Variants in PTHLH observed in about 807,000 individuals in gnomAD.
The protein encoded by PTHLH is parathyroid hormone like hormone, also known as parathyroid hormone-related protein.
Under a neutral mutation model 18.6 loss-of-function variants are expected in PTHLH, and 5 were observed. That is an observed-to-expected ratio of 0.27 (90% CI 0.14 to 0.56). The LOEUF is 0.56. Ranked by LOEUF, PTHLH falls within the 20% of genes least tolerant of loss-of-function variation. The pLI is 0.92. For missense variants in PTHLH, 207 were observed against 223.9 expected (o/e 0.92, Z 0.48); for synonymous variants, 90 against 94.0 (o/e 0.96, Z 0.25).
At chr12:27,968,157 A>G (rs2062833788) in intron 4 of PTHLH, among the ~76,000 whole-genome samples, 1 of 152,236 alleles carries the variant, frequency 6.6e-6, no homozygotes, top group African/African-American at 2.4e-5. Context: ...GAAGAATACA[A>G]TGCAGCCTTA....
chr12:27,967,983 G>T (rs1432022673), intron 4 of PTHLH, among the ~76,000 whole-genome samples: 1 of 151,906 alleles, frequency 6.6e-6, no homozygotes, highest in Non-Finnish European at 1.5e-5. Context: ...TTCCAAGGTA[G>T]TATTTCTTAG....
At chr12:27,963,175 G>A in intron 5 of PTHLH, 173 bp downstream of exon 5, 1 of 1,497,498 alleles carries the variant, frequency 6.7e-7, no homozygotes, top group South Asian at 1.3e-5. Flanking sequence ...TGGTAGGGGG[G>A]TACTGCTTTA....
chr12:27,967,006 TAG>T (rs1268951863), intron 4 of PTHLH, among the ~76,000 whole-genome samples: 1 of 152,208 alleles, frequency 6.6e-6, no homozygotes, highest in Non-Finnish European at 1.5e-5. Context: ...GTTAGGGTGT[TAG>T]AGTTAAGATG....
intron 5 of PTHLH, chr12:27,962,468 G>A: frequency 1.2e-6 from 1 of 850,722 alleles, no homozygotes; most frequent in Non-Finnish European, 1.4e-6. Flanking sequence ...AGAGTAACTT[G>A]CCCTAGGTTG....
intron 2 of PTHLH, among the ~76,000 whole-genome samples, chr12:27,971,571 C>G (rs1466143756): frequency 6.6e-6 from 1 of 151,920 alleles, no homozygotes; most frequent in African/African-American, 2.4e-5. Flanking sequence ...ATATTTTACC[C>G]AGGGTGGGAG....
At chr12:27,969,332 G>A in intron 4 of PTHLH, 62 bp downstream of exon 4, 2 of 1,472,776 alleles carry the variant, frequency 1.4e-6, no homozygotes, top group Non-Finnish European at 1.8e-6. Context: ...CAGCATCCCA[G>A]CTTGGCAGCC....
rs563536914 is a variant in PTHLH, at chr12:27,970,137, T to C, written c.-135A>G. The C allele has an allele frequency of 7.7e-6, 4 of 518,418 alleles. No homozygotes were observed. Among genetic ancestry groups the C allele is most frequent in the South Asian group, 5.6e-5 (4 of 71,598 alleles). The allele number at this position is 518,418 out of a possible 1,614,324, so 32.1% of individuals were successfully genotyped here. On this transcript the variant is annotated 5_prime_UTR_variant, in exon 3 of 6. Transcript: ENST00000545234. ...GCCAGGTGGCGGCGAGGGCGGGTCGTTAGTGGCAGCCGGAGCGGCAGGGAG... is the reference window on the plus strand; with the variant it reads ...GCCAGGTGGCGGCGAGGGCGGGTCGCTAGTGGCAGCCGGAGCGGCAGGGAG...
At chr12:27,969,807 A>G (rs762078029) in intron 3 of PTHLH, 43 of 583,598 alleles carry the variant, frequency 7.4e-5, no homozygotes, top group African/African-American at 7.3e-4. Flanking sequence ...AAATGGTTTT[A>G]TATATGCATC....
At chr12:27,961,601 A>C (rs116250116) in intron 5 of PTHLH, 3 of 219,106 alleles carry the variant, frequency 1.4e-5, no homozygotes, top group African/African-American at 4.5e-5. Flanking sequence ...TTAGGATCCT[A>C]TCTTAAAACA....
At chr12:27,962,067 C>A in intron 5 of PTHLH, 1 of 602,906 alleles carries the variant, frequency 1.7e-6, no homozygotes. Flanking sequence ...GCAAACATAG[C>A]ACTGTCTACG....
intron 5 of PTHLH, chr12:27,962,050 A>G (rs1033876818): frequency 1.6e-6 from 1 of 625,666 alleles, no homozygotes; most frequent in African/African-American, 1.9e-5. Flanking sequence ...ATCGATAAAG[A>G]AGCAGGGCAA....
In PTHLH at chr12:27,960,459, T is replaced by C. The variant is rs537868939; in HGVS notation, c.525-1891A>G. The stretch of plus-strand genomic sequence containing the variant: ...GCTGTATTATTGGCCGGTGTGGTGG[T>C]TCATGCCTGTAATCCCAGCACTTTG... On this transcript the variant is annotated intron_variant, in intron 5 of 5. Coordinates refer to ENST00000545234, the MANE Select transcript of PTHLH (RefSeq NM_198965.2). 3.3e-5 allele frequency among the ~76,000 whole-genome samples: 5 copies of C among 152,222 alleles called. No individual in the cohort carries two copies. In the East Asian group the frequency reaches 9.7e-4, roughly 29 times the overall value.
chr12:27,971,899 C>T (rs1340302161), intron 2 of PTHLH, 28 bp downstream of exon 2: 1 of 151,912 alleles, frequency 6.6e-6, no homozygotes, highest in Non-Finnish European at 1.5e-5. Context: ...TATGAAAGGA[C>T]AAAGTATCAG....
intron 2 of PTHLH, 50 bp from the exon 3 acceptor site, chr12:27,970,317 C>T (rs2062858092): frequency 5.2e-6 from 1 of 193,472 alleles, no homozygotes; most frequent in Non-Finnish European, 1.1e-5. Flanking sequence ...TAGGAACGCG[C>T]GCGGGGCGAG....
chr12:27,964,964 T>A (rs1189498548), intron 4 of PTHLH, among the ~76,000 whole-genome samples: 1 of 152,224 alleles, frequency 6.6e-6, no homozygotes, highest in African/African-American at 2.4e-5. Flanking sequence ...TGGCCCATCC[T>A]CAAAAGCATC....
At chr12:27,959,434 A>G (rs2062736217) in intron 5 of PTHLH, among the ~76,000 whole-genome samples, 1 of 152,192 alleles carries the variant, frequency 6.6e-6, no homozygotes, top group African/African-American at 2.4e-5. Flanking sequence ...TTTCTAATCT[A>G]TCTAAATACT....
intron 2 of PTHLH, among the ~76,000 whole-genome samples, chr12:27,970,946 G>C (rs1039851358): frequency 1.1e-4 from 17 of 152,196 alleles, no homozygotes; most frequent in African/African-American, 4.1e-4. Context: ...AACAGTTCCA[G>C]ATTTCATATC....
intron 5 of PTHLH, among the ~76,000 whole-genome samples, chr12:27,959,566 T>C (rs2062737270): frequency 1.3e-5 from 2 of 152,206 alleles, no homozygotes; most frequent in African/African-American, 4.8e-5. Context: ...TGGAATTTGA[T>C]TGGCTATGTC....
At chr12:27,971,267 G>C (rs191019463) in intron 2 of PTHLH, among the ~76,000 whole-genome samples, 2 of 152,118 alleles carry the variant, frequency 1.3e-5, no homozygotes, top group African/African-American at 4.8e-5. Flanking sequence ...GAGAAGCGAC[G>C]GGAAAGCCGA....
Sources: allele counts gnomAD v4.1 joint callset (sites outside exome capture counted in the v4.1 genomes callset), GRCh38; gene constraint gnomAD v4.1.1; transcripts MANE v1.5; gene names NCBI Gene and HGNC (gene_info 2026-07-23, HGNC 2026-07-21).